The following KSR1 variants were observed in gnomAD, a reference collection of about 807,000 sequenced individuals.
KSR1 encodes kinase suppressor of ras.
KSR1 carries 35 observed loss-of-function variants against 92.9 expected under a neutral mutation model. That is an observed-to-expected ratio of 0.38 (90% CI 0.29 to 0.50). The LOEUF is 0.50. Among genes scored for constraint, KSR1 ranks in the 20% least tolerant of loss-of-function variants. The pLI is 0.94. For missense variants in KSR1, 972 were observed against 1,158.5 expected, an observed-to-expected ratio of 0.84 and a Z score of 2.34; for synonymous variants, 467 against 472.6, an observed-to-expected ratio of 0.99 and a Z score of 0.15.
Position 27,605,811 on chromosome 17 carries a change from C to T in KSR1, c.1992C>T (p.Thr664=). Residue 664 remains threonine (T), a splice_region_variant and synonymous_variant, in exon 14 of 21, where the codon ACC becomes ACT. Transcript: ENST00000644974. Reference sequence around the variant, plus strand: ...ACCCGCCCCACCTGGCCATTATCACCAGGTAACCAAGCCCTAGGACCTCAT... The same window carrying T: ...ACCCGCCCCACCTGGCCATTATCACTAGGTAACCAAGCCCTAGGACCTCAT... ...CMNPPHLAII[T]SFCKGRTLHS... is the part of the protein sequence containing the mutation. 1 of 1,612,442 alleles carries T rather than the reference C, an allele frequency of 6.2e-7. No homozygotes were observed. The highest frequency in any genetic ancestry group is 8.5e-7 in the Non-Finnish European group (1 of 1,179,710).
At chr17:27,503,057 G>T (rs1367275933) in intron 1 of KSR1, among the ~76,000 whole-genome samples, 5 of 152,222 alleles carry the variant, frequency 3.3e-5, no homozygotes, top group African/African-American at 1.2e-4. Context: ...ACCCTTTGAG[G>T]TGGGTACCAG....
intron 1 of KSR1, among the ~76,000 whole-genome samples, chr17:27,509,574 C>T (rs1352511160): frequency 2.0e-5 from 3 of 152,168 alleles, no homozygotes; most frequent in Non-Finnish European, 4.4e-5. Context: ...CAGGCGTGAG[C>T]CACCACGCCT....
At chr17:27,554,145 T>C (rs1054049625) in intron 2 of KSR1, among the ~76,000 whole-genome samples, 1 of 152,232 alleles carries the variant, frequency 6.6e-6, no homozygotes, top group East Asian at 1.9e-4. Context: ...CTGTCATGCA[T>C]TAAAAACCCA....
intron 1 of KSR1, among the ~76,000 whole-genome samples, chr17:27,521,333 C>T (rs1454877973): frequency 6.7e-6 from 1 of 149,112 alleles, no homozygotes; most frequent in Non-Finnish European, 1.5e-5. Flanking sequence ...AAAGGCCATT[C>T]CTTTTTTTTT....
At chr17:27,588,965 C>T (rs190743922) in intron 6 of KSR1, among the ~76,000 whole-genome samples, 203 of 152,316 alleles carry the variant, frequency 1.3e-3, no homozygotes, top group African/African-American at 4.6e-3. Flanking sequence ...TTCTTGCTCC[C>T]CTCACCCCCA....
chr17:27,604,972 G>T (rs2073700174), intron 13 of KSR1, among the ~76,000 whole-genome samples: 1 of 152,202 alleles, frequency 6.6e-6, no homozygotes, highest in Non-Finnish European at 1.5e-5. Context: ...CCACTGCCTT[G>T]ACCCTTGAAC....
intron 2 of KSR1, chr17:27,557,964 C>G (rs2071670529): frequency 1.3e-5 from 2 of 152,642 alleles, no homozygotes; most frequent in African/African-American, 4.8e-5. Context: ...CTCCTGTATT[C>G]TGTGCCCCCG....
rs534129160 is a variant in KSR1, at chr17:27,531,319, G to T, written c.232-19249G>T. Among the ~76,000 whole-genome samples the T allele has an allele frequency of 8.5e-5, 13 of 152,382 alleles. No homozygotes were observed. In the South Asian group the frequency reaches 2.5e-3, roughly 29 times the overall value. ...GTCATGGCCTTGGCACTGCAGGGCG[G>T]CCCCCTTCTGCCTCACAGGCCCAGG... On this transcript the variant is annotated intron_variant, in intron 1 of 20. Coordinates refer to ENST00000644974, the MANE Select transcript of KSR1 (RefSeq NM_001394583.1).
At chr17:27,603,078 G>A (rs912125469) in intron 11 of KSR1, among the ~76,000 whole-genome samples, 3 of 152,190 alleles carry the variant, frequency 2.0e-5, no homozygotes, top group South Asian at 2.1e-4. Context: ...CGTCCATGGC[G>A]GCCCTGGGGC....
At chr17:27,480,636 C>T (rs1297872987) in intron 1 of KSR1, among the ~76,000 whole-genome samples, 3 of 152,158 alleles carry the variant, frequency 2.0e-5, no homozygotes, top group Admixed American at 6.5e-5. Context: ...TGACCTCAGG[C>T]GATCCACCCG....
Position 27,582,763 on chromosome 17 carries a change from C to G in KSR1, c.638C>G (p.Ser213Cys). The change falls in exon 4 of 21, where the codon TCC becomes TGC. Residue 213 changes from serine (S) to cysteine (C), a missense_variant. Ser to Cys is a moderately radical substitution (Grantham distance 112). This residue lies in a region of KSR1 where 611 missense variants were observed against 668.0 expected (regional missense o/e 0.91). Coordinates refer to ENST00000644974, the MANE Select transcript of KSR1 (RefSeq NM_001394583.1). ...AASLPWPPGSSQLGRAGNSAQ... is the reference protein window; with the variant it reads ...AASLPWPPGSCQLGRAGNSAQ... ...AGCCTGCCCTGGCCCCCAGGGAGCT[C>G]CCAGCTGGGCAGAGCAGGCAACAGC... 6.2e-7 allele frequency: 1 copy of G among 1,613,850 alleles called. No individual in the cohort carries two copies.
intron 4 of KSR1, among the ~76,000 whole-genome samples, chr17:27,583,775 G>C (rs1336596728): frequency 6.6e-6 from 1 of 152,182 alleles, no homozygotes; most frequent in Non-Finnish European, 1.5e-5. Context: ...TTACTCTTTT[G>C]TTTAGTTTTT....
intron 11 of KSR1, 79 bp from the exon 12 acceptor site, chr17:27,603,755 T>A: frequency 7.0e-7 from 1 of 1,424,796 alleles, no homozygotes; most frequent in East Asian, 2.3e-5. Flanking sequence ...TCTCTGGGGG[T>A]GCTGGGTTTC....
At chr17:27,540,793 A>G (rs543070353) in intron 1 of KSR1, among the ~76,000 whole-genome samples, 60 of 152,294 alleles carry the variant, frequency 3.9e-4, no homozygotes, top group African/African-American at 1.4e-3. Flanking sequence ...GCTGGGTGCT[A>G]TGGTCGCTGC....
rs993535750 is a variant in KSR1 at position 27,607,851 on chromosome 17, C to T, written c.1995-63C>T. 5 of 1,238,100 alleles carry T rather than the reference C, an allele frequency of 4.0e-6. No homozygotes were observed. In the African/African-American group the frequency reaches 6.0e-5, roughly 15 times the overall value. The allele number at this position is 1,238,100 out of a possible 1,614,324, so 76.7% of individuals were successfully genotyped here. On this transcript the variant is annotated intron_variant, in intron 14 of 20. Coordinates refer to ENST00000644974, the MANE Select transcript of KSR1 (RefSeq NM_001394583.1). ...GGCACAGTTCTCCCCATGGGCTCCA[C>T]CAGGGTTGGGGTCAGGCCGCACCAG...
chr17:27,560,522 G>T, intron 2 of KSR1: 1 of 517,650 alleles, frequency 1.9e-6, no homozygotes. Flanking sequence ...CTACCCTTGC[G>T]TTCCTGTGTT....
intron 2 of KSR1, among the ~76,000 whole-genome samples, chr17:27,569,350 T>C (rs1402687604): frequency 6.6e-6 from 1 of 152,104 alleles, no homozygotes; most frequent in African/African-American, 2.4e-5. Flanking sequence ...TTTAGAAATG[T>C]GTGTTGATGA....
chr17:27,511,068 G>A (rs2069581729), intron 1 of KSR1, among the ~76,000 whole-genome samples: 1 of 152,192 alleles, frequency 6.6e-6, no homozygotes, highest in South Asian at 2.1e-4. Context: ...AAACAGTCTA[G>A]AAGCTCTAAA....
intron 2 of KSR1, among the ~76,000 whole-genome samples, chr17:27,567,454 G>A (rs1382906927): frequency 6.6e-6 from 1 of 152,158 alleles, no homozygotes; most frequent in Non-Finnish European, 1.5e-5. Flanking sequence ...GTGGGTAGGA[G>A]TGGGCAAGAA....
Sources: allele counts gnomAD v4.1 joint callset (sites outside exome capture counted in the v4.1 genomes callset), GRCh38; gene constraint gnomAD v4.1.1; regional missense constraint gnomAD v4.1.1; transcripts MANE v1.5; gene names NCBI Gene and HGNC (gene_info 2026-07-23, HGNC 2026-07-21).